The following SSH2 variants were observed in gnomAD, a reference collection of about 807,000 sequenced individuals.
SSH2 encodes slingshot protein phosphatase 2.
A neutral mutation model predicts 135.2 loss-of-function variants in SSH2; 37 were observed. That is an observed-to-expected ratio of 0.27 (90% CI 0.21 to 0.36). The LOEUF (loss-of-function observed/expected upper bound fraction) is 0.36, where lower values mean the gene tolerates loss of function less well. SSH2 is among the 10% of genes least tolerant of loss of function. The pLI is 1.00. For synonymous variants in SSH2, 628 were observed against 646.2 expected, an observed-to-expected ratio of 0.97 and a Z score of 0.43; for missense variants, 1,408 against 1,765.3, an observed-to-expected ratio of 0.80 and a Z score of 3.63.
intron 4 of SSH2, among the ~76,000 whole-genome samples, chr17:29,696,913 T>C (rs1443099293): frequency 6.6e-6 from 1 of 151,840 alleles, no homozygotes; most frequent in East Asian, 2.0e-4. Flanking sequence ...CTTGATCTCC[T>C]GACCTTGTGA....
chr17:29,714,066 T>C (rs956631551), intron 3 of SSH2, among the ~76,000 whole-genome samples: 8 of 152,204 alleles, frequency 5.3e-5, no homozygotes, highest in African/African-American at 1.7e-4. Context: ...ACAAAGCTTC[T>C]TGGTCCTGCA....
intron 1 of SSH2, among the ~76,000 whole-genome samples, chr17:29,849,505 G>A (rs1022787679): frequency 6.6e-6 from 1 of 150,862 alleles, no homozygotes; most frequent in African/African-American, 2.4e-5. Flanking sequence ...AAAAAAGATG[G>A]TGCTGCTAAT....
chr17:29,692,784 A>T (rs957031789), intron 5 of SSH2, among the ~76,000 whole-genome samples: 6 of 152,226 alleles, frequency 3.9e-5, no homozygotes, highest in Admixed American at 6.5e-5. Context: ...GTGTACTCCA[A>T]GTGTGATTCC....
At chr17:29,901,621 G>A (rs2066555719) in intron 1 of SSH2, among the ~76,000 whole-genome samples, 1 of 152,080 alleles carries the variant, frequency 6.6e-6, no homozygotes, top group Admixed American at 6.6e-5. Context: ...CCTCTAAACT[G>A]CTACAAGAGA....
At chr17:29,661,938 T>C (rs1473994041) in intron 11 of SSH2, among the ~76,000 whole-genome samples, 1 of 152,156 alleles carries the variant, frequency 6.6e-6, no homozygotes. Context: ...TTGAAAGACC[T>C]AGAGACCACT....
chr17:29,694,922 T>C (rs2038661494), intron 5 of SSH2, among the ~76,000 whole-genome samples: 1 of 152,164 alleles, frequency 6.6e-6, no homozygotes, highest in African/African-American at 2.4e-5. Context: ...CAGTATGTTT[T>C]CATGTCCAGT....
chr17:29,702,491 C>T (rs780401186), intron 4 of SSH2, among the ~76,000 whole-genome samples: 4 of 150,314 alleles, frequency 2.7e-5, no homozygotes, highest in African/African-American at 7.5e-5. Context: ...CCTGTCTCTA[C>T]TAAGAATACA....
chr17:29,633,330 C>T (rs1203118607), intron 15 of SSH2, among the ~76,000 whole-genome samples: 1 of 152,224 alleles, frequency 6.6e-6, no homozygotes, highest in Non-Finnish European at 1.5e-5. Context: ...GGCCTATCAA[C>T]TTCTAGTTTG....
chr17:29,652,603 A>G (rs1441243539), intron 12 of SSH2, among the ~76,000 whole-genome samples: 4 of 152,186 alleles, frequency 2.6e-5, no homozygotes. Flanking sequence ...GACAGGAAAA[A>G]AAGGAAAAAG....
intron 3 of SSH2, among the ~76,000 whole-genome samples, chr17:29,705,168 G>A (rs2039146791): frequency 6.6e-6 from 1 of 152,090 alleles, no homozygotes; most frequent in African/African-American, 2.4e-5. Flanking sequence ...AGCAAGTCCT[G>A]TGAGCTTTAC....
chr17:29,812,993 T>A (rs1489382206), intron 2 of SSH2, among the ~76,000 whole-genome samples: 1 of 152,124 alleles, frequency 6.6e-6, no homozygotes, highest in Non-Finnish European at 1.5e-5. Flanking sequence ...AAAAACAAAA[T>A]TTAAAGTCCA....
At chr17:29,929,856 AG>A in intron 1 of SSH2, 81 bp downstream of exon 1, 1 of 1,329,764 alleles carries the variant, frequency 7.5e-7, no homozygotes, top group Non-Finnish European at 1.0e-6. Context: ...GCGCGTGCGC[AG>A]TGGCGTTCGG....
chr17:29,853,191 A>AT (rs2065597492), intron 1 of SSH2, among the ~76,000 whole-genome samples: 2 of 147,278 alleles, frequency 1.4e-5, no homozygotes, highest in South Asian at 4.3e-4. Flanking sequence ...GGTTCAAGTG[A>AT]TTCTCCTGCC....
intron 2 of SSH2, among the ~76,000 whole-genome samples, chr17:29,808,414 C>T (rs1315662741): frequency 6.6e-6 from 1 of 152,218 alleles, no homozygotes. Context: ...CAGGCATGAG[C>T]CACCACAGCC....
At chr17:29,864,157 T>C (rs1227675037) in intron 1 of SSH2, 2 of 151,876 alleles carry the variant, frequency 1.3e-5, no homozygotes, top group Non-Finnish European at 2.9e-5. Flanking sequence ...TACAAAAAAT[T>C]AGCTGGGCGT....
chr17:29,802,906 G>A (rs1357090867), intron 2 of SSH2, among the ~76,000 whole-genome samples: 2 of 152,152 alleles, frequency 1.3e-5, no homozygotes, highest in Admixed American at 6.6e-5. Flanking sequence ...TTATCCATCA[G>A]TTACCTCAGC....
chr17:29,798,822 T>C (rs566374763), intron 2 of SSH2, among the ~76,000 whole-genome samples: 1 of 152,348 alleles, frequency 6.6e-6, no homozygotes, highest in East Asian at 1.9e-4. Flanking sequence ...CATGTTACTA[T>C]TTATTTTCCG....
intron 3 of SSH2, among the ~76,000 whole-genome samples, chr17:29,778,644 AAATAAATAAATAAAT>A (rs1201049683): frequency 7.6e-6 from 1 of 130,744 alleles, no homozygotes; most frequent in African/African-American, 2.8e-5. Context: ...CTGTCTAAAA[AAATAAATAAATAAAT>A]AAAAATAAAT....
In SSH2 at chr17:29,662,680, A is replaced by C. The variant is rs529342118; in HGVS notation, c.1032+4187T>G. On this transcript the variant is annotated intron_variant, in intron 11 of 15. Transcript: ENST00000540801. ...AGGGGTACATATGCAGGTTTGTTAC[A>C]TAGGTAAACTTGTGTCATGGGGGTT... is the stretch of plus-strand genomic sequence containing the variant. 1.8e-4 allele frequency among the ~76,000 whole-genome samples: 28 copies of C among 152,232 alleles called. 1 individual carries two copies. Among genetic ancestry groups the C allele is most frequent in the African/African-American group, 6.7e-4 (28 of 41,546 alleles).
Sources: allele counts gnomAD v4.1 joint callset (sites outside exome capture counted in the v4.1 genomes callset), GRCh38; gene constraint gnomAD v4.1.1; transcripts MANE v1.5; gene names NCBI Gene and HGNC (gene_info 2026-07-23, HGNC 2026-07-21).